The following LAGE3 variants were observed in gnomAD, a reference collection of about 807,000 sequenced individuals.
The protein encoded by LAGE3 is EKC/KEOPS complex subunit LAGE3.
In LAGE3, 2 loss-of-function variants were observed where a neutral mutation model predicts 4.4. That is an observed-to-expected ratio of 0.46 (90% confidence interval 0.19 to 1.44). The LOEUF (loss-of-function observed/expected upper bound fraction) is 1.44. LAGE3 is among the 40% of genes most tolerant of loss of function. The pLI is 0.26. For missense variants in LAGE3, 152 were observed against 138.1 expected (o/e 1.10, Z -0.51); for synonymous variants, 79 against 60.0 (o/e 1.32, Z -1.47).
Position 154,478,035 on chromosome X carries a change from C to T in LAGE3, c.341G>A (p.Arg114His). 8.3e-7 allele frequency: 1 copy of T among 1,210,791 alleles called. No homozygotes were observed. Among genetic ancestry groups the T allele is most frequent in the Non-Finnish European group, 1.1e-6 (1 of 894,469 alleles). ...LVVRWKAEDC[R>H]LLRISVINFL... ...GTTGATGACGGAAATTCGGAGCAGG[C>T]GACAGTCTTCAGCTTTCCAGCGGCT... The change falls in exon 3 of 3, where the codon CGC (arginine) becomes CAC (histidine). Residue 114 changes from arginine to histidine, a missense_variant. Coordinates refer to ENST00000357360, the MANE Select transcript of LAGE3 (RefSeq NM_006014.5).
rs781797904 is a variant in LAGE3 at position 154,479,165 on chromosome X, C to T, written c.-250G>A. The T allele has an allele frequency of 3.5e-6, 1 of 282,200 alleles. No homozygotes were observed. Among genetic ancestry groups the T allele is most frequent in the South Asian group, 2.2e-4 (1 of 4,541 alleles). The allele number at this position is 282,200 out of a possible 1,213,427, so 23.3% of individuals were successfully genotyped here. A position where few individuals can be genotyped will look rare whatever the true frequency, so the allele number is the denominator to read the frequency against. On this transcript the variant is annotated 5_prime_UTR_variant, in exon 1 of 3. Coordinates refer to ENST00000357360, the MANE Select transcript of LAGE3 (RefSeq NM_006014.5). ...AGAAACTCTGCCCTTTCGCGCGTAA[C>T]TCGATTCCAGAGCGCTGGTGCAAAC...
chrX:154,478,643 G>A (rs1281942709), intron 1 of LAGE3, 85 bp downstream of exon 1: 6 of 542,337 alleles, frequency 1.1e-5, no homozygotes, highest in Non-Finnish European at 1.4e-5. Flanking sequence ...TACCCTTTCC[G>A]TCGGCCCCCC....
At chrX:154,478,671 T>C (rs2069253618) in intron 1 of LAGE3, 57 bp downstream of exon 1, 1 of 790,058 alleles carries the variant, frequency 1.3e-6, no homozygotes, top group African/African-American at 2.4e-5. Flanking sequence ...CTCCTTTCCT[T>C]CTCCCCGAGT....
At chrX:154,478,116 C>T in intron 2 of LAGE3, 58 bp from the exon 3 acceptor site, 2 of 1,115,730 alleles carry the variant, frequency 1.8e-6, no homozygotes, top group Non-Finnish European at 2.5e-6. Context: ...GTCCCTCGCT[C>T]TGCCCCTCAG....
At position 154,479,254 on chromosome X, in the gene LAGE3, C is replaced by T. The variant is rs1476537727; in HGVS notation, c.-339G>A. The T allele has an allele frequency of 1.5e-5, 3 of 201,762 alleles. No individual in the cohort carries two copies. Among genetic ancestry groups the T allele is most frequent in the Non-Finnish European group, 2.7e-5 (3 of 109,451 alleles). The allele number at this position is 201,762 out of a possible 1,213,427, so 16.6% of individuals were successfully genotyped here. A position where few individuals can be genotyped will look rare whatever the true frequency, so the allele number is the denominator to read the frequency against. On this transcript the variant is annotated 5_prime_UTR_variant, in exon 1 of 3. Transcript: ENST00000357360. The stretch of plus-strand genomic sequence containing the variant: ...ACGGGGCTTTTGAAGACACCGTGGT[C>T]GCCTATCCCAGAGGCGCACCCCGCG...
chrX:154,477,984 A>G lies in LAGE3; in HGVS notation c.392T>C (p.Val131Ala), dbSNP rs1455348383. Residue 131 changes from valine (V) to alanine (A), a missense_variant, in exon 3 of 3, where the codon GTG becomes GCG. Val to Ala is a moderately conservative substitution (Grantham distance 64). Coordinates refer to ENST00000357360, the MANE Select transcript of LAGE3 (RefSeq NM_006014.5). Reference sequence around the variant, plus strand: ...GGGCCCAAAGCGCTGCATGGTCCGCACCACCAGGGAAAGCTGGTCAAGAAA... The same window carrying G: ...GGGCCCAAAGCGCTGCATGGTCCGCGCCACCAGGGAAAGCTGGTCAAGAAA... ...INFLDQLSLV[V>A]RTMQRFGPPV... 1 of 1,210,966 alleles carries G rather than the reference A, an allele frequency of 8.3e-7. No homozygotes were observed. The highest frequency in any genetic ancestry group is 1.1e-6 in the Non-Finnish European group (1 of 895,294).
Position 154,478,834 on chromosome X carries a change from C to CCA in LAGE3, c.80_81dup (p.Asp28TrpfsTer73), listed in dbSNP as rs2069255366. Reference sequence around the variant, plus strand: ...CCACCGGCCGGAGCTGCGGCTGTGTCCACGCCCCCGCGGCAGCTGTGGCCA... The same window carrying CCA: ...CCACCGGCCGGAGCTGCGGCTGTGTCCACACGCCCCCGCGGCAGCTGTGGCCA... On this transcript the variant is annotated frameshift_variant, in exon 1 of 3. Coordinates refer to ENST00000357360, the MANE Select transcript of LAGE3 (RefSeq NM_006014.5). LOFTEE classifies it high-confidence loss of function. 1 of 1,078,298 alleles carries CCA rather than the reference C, an allele frequency of 9.3e-7. No individual in the cohort carries two copies. Among genetic ancestry groups the CCA allele is most frequent in the South Asian group, 2.4e-5 (1 of 41,006 alleles). 88.9% of individuals were successfully genotyped at this position (1,078,298 alleles called of 1,213,427 possible).
chrX:154,478,650 C>CCCCG, intron 1 of LAGE3, 78 bp downstream of exon 1: 1 of 892,160 alleles, frequency 1.1e-6, no homozygotes, highest in Non-Finnish European at 1.4e-6. Context: ...TCCGTCGGCC[C>CCCCG]CCCGCCCGCC....
At position 154,479,005 on chromosome X, in the gene LAGE3, T is replaced by C; in HGVS notation, c.-90A>G. ...GGCTCCTTCCCGAAGCCCCGCCCCCTGCGCACGACTCCGCCCACACGCGCC... is the reference window on the plus strand; with the variant it reads ...GGCTCCTTCCCGAAGCCCCGCCCCCCGCGCACGACTCCGCCCACACGCGCC... On this transcript the variant is annotated 5_prime_UTR_variant, in exon 1 of 3. Coordinates refer to ENST00000357360, the MANE Select transcript of LAGE3 (RefSeq NM_006014.5). 1 of 438,114 alleles carries C rather than the reference T, an allele frequency of 2.3e-6. No homozygotes were observed. Among genetic ancestry groups the C allele is most frequent in the Non-Finnish European group, 3.4e-6 (1 of 291,748 alleles). The allele number at this position is 438,114 out of a possible 1,213,427, so 36.1% of individuals were successfully genotyped here.
chrX:154,478,643 GT>G, intron 1 of LAGE3, 84 bp downstream of exon 1: 1 of 543,508 alleles, frequency 1.8e-6, no homozygotes, highest in Non-Finnish European at 2.4e-6. Context: ...TACCCTTTCC[GT>G]CGGCCCCCCG....
chrX:154,479,087 T>C lies in LAGE3; in HGVS notation c.-172A>G, dbSNP rs1228346572. On this transcript the variant is annotated 5_prime_UTR_variant, in exon 1 of 3. Coordinates refer to ENST00000357360, the MANE Select transcript of LAGE3 (RefSeq NM_006014.5). ...GTGGTCAGTTCCCGCCAAGCGGCCC[T>C]GCCGGGGGCCTTCTGAGACCCGGTC... is the stretch of plus-strand genomic sequence containing the variant. 2 of 297,323 alleles carry C rather than the reference T, an allele frequency of 6.7e-6. No homozygotes were observed. Among genetic ancestry groups the C allele is most frequent in the Non-Finnish European group, 5.8e-6 (1 of 171,191 alleles). 24.5% of individuals were successfully genotyped at this position (297,323 alleles called of 1,213,427 possible). A position where few individuals can be genotyped will look rare whatever the true frequency, so the allele number is the denominator to read the frequency against.
At chrX:154,478,534 C>A in intron 1 of LAGE3, 123 bp from the exon 2 acceptor site, 1 of 990,820 alleles carries the variant, frequency 1.0e-6, no homozygotes, top group South Asian at 2.5e-5. Context: ...CTCCTTACCT[C>A]GCCCAGGCCA....
At position 154,478,350 on chromosome X, in the gene LAGE3, G is replaced by T. The variant is rs782164177; in HGVS notation, c.250C>A (p.Pro84Thr). The T allele has an allele frequency of 1.7e-6, 2 of 1,206,664 alleles. No homozygotes were observed. The highest frequency in any genetic ancestry group is 4.4e-5 in the Admixed American group (2 of 45,416). The change falls in exon 2 of 3, where the codon CCA becomes ACA. Residue 84 changes from proline to threonine, a missense_variant. By Grantham distance (38) the Pro-to-Thr change is conservative (BLOSUM62 -1). Transcript: ENST00000357360. ...ACCCTTTGGTGGGGCTCGGCATCTG[G>T]TGCCAGGGACCCATGGGCGATTTCC... is the stretch of plus-strand genomic sequence containing the variant. ...EAEIAHGSLA[P>T]DAEPHQRVVG...
chrX:154,478,884 C>T lies in LAGE3; in HGVS notation c.32G>A (p.Gly11Asp), dbSNP rs1025038377. ...ACCCCGGCCATCCCCGCCGTCAGCG[C>T]CTCCGCCTGCGTCTGCATCCGCGTC... The part of the protein sequence containing the change: MRDADADAGG[G>D]ADGGDGRGGH... The change falls in exon 1 of 3, where the codon GGC (glycine) becomes GAC (aspartate). Residue 11 changes from glycine to aspartate, a missense_variant. Coordinates refer to ENST00000357360, the MANE Select transcript of LAGE3 (RefSeq NM_006014.5). 3 of 1,006,252 alleles carry T rather than the reference C, an allele frequency of 3.0e-6. No homozygotes were observed. The highest frequency in any genetic ancestry group is 3.8e-6 in the Non-Finnish European group (3 of 797,404). The allele number at this position is 1,006,252 out of a possible 1,213,427, so 82.9% of individuals were successfully genotyped here. A position where few individuals can be genotyped will look rare whatever the true frequency, so the allele number is the denominator to read the frequency against.
At position 154,478,977 on chromosome X, in the gene LAGE3, T is replaced by A; in HGVS notation, c.-62A>T. 2 of 573,091 alleles carry A rather than the reference T, an allele frequency of 3.5e-6. No individual in the cohort carries two copies. The highest frequency in any genetic ancestry group is 4.8e-6 in the Non-Finnish European group (2 of 413,203). 47.2% of individuals were successfully genotyped at this position (573,091 alleles called of 1,213,427 possible). The stretch of plus-strand genomic sequence containing the variant: ...CGCAGGTCCTACGCCCCGCCCTCTC[T>A]GTGGCTCCTTCCCGAAGCCCCGCCC... On this transcript the variant is annotated 5_prime_UTR_variant, in exon 1 of 3. Coordinates refer to ENST00000357360, the MANE Select transcript of LAGE3 (RefSeq NM_006014.5).
chrX:154,478,936 G>A lies in LAGE3; in HGVS notation c.-21C>T, dbSNP rs1296878269. 13 of 842,582 alleles carry A rather than the reference G, an allele frequency of 1.5e-5. No homozygotes were observed. The highest frequency in any genetic ancestry group is 8.6e-5 in the African/African-American group (4 of 46,560). The allele number at this position is 842,582 out of a possible 1,213,427, so 69.4% of individuals were successfully genotyped here. A position where few individuals can be genotyped will look rare whatever the true frequency, so the allele number is the denominator to read the frequency against. ...CGCATGACCGCCGCCGCGCCGCTCC[G>A]ACTCCACCCCCGAAGCGCAGGTCCT... On this transcript the variant is annotated 5_prime_UTR_variant, in exon 1 of 3. Transcript: ENST00000357360.
Position 154,478,976 on chromosome X carries a change from C to T in LAGE3, c.-61G>A. ...GCGCAGGTCCTACGCCCCGCCCTCT[C>T]TGTGGCTCCTTCCCGAAGCCCCGCC... On this transcript the variant is annotated 5_prime_UTR_variant, in exon 1 of 3. Coordinates refer to ENST00000357360, the MANE Select transcript of LAGE3 (RefSeq NM_006014.5). 1 of 580,331 alleles carries T rather than the reference C, an allele frequency of 1.7e-6. No individual in the cohort carries two copies. Among genetic ancestry groups the T allele is most frequent in the Non-Finnish European group, 2.4e-6 (1 of 419,440 alleles). The allele number at this position is 580,331 out of a possible 1,213,427, so 47.8% of individuals were successfully genotyped here.
rs782019621 is a variant in LAGE3 at position 154,478,887 on chromosome X, C to T, written c.29G>A (p.Gly10Glu). MRDADADAG[G>E]GADGGDGRGG... ...CCGGCCATCCCCGCCGTCAGCGCCT[C>T]CGCCTGCGTCTGCATCCGCGTCCCG... Residue 10 changes from glycine (G) to glutamate (E), a missense_variant, in exon 1 of 3, where the codon GGA becomes GAA. By Grantham distance (98) the Gly-to-Glu change is moderately conservative. Coordinates refer to ENST00000357360, the MANE Select transcript of LAGE3 (RefSeq NM_006014.5). The T allele has an allele frequency of 1.2e-4, 123 of 1,002,724 alleles. No individual in the cohort carries two copies. In the South Asian group the frequency reaches 3.1e-3, roughly 26 times the overall value. The allele number at this position is 1,002,724 out of a possible 1,213,427, so 82.6% of individuals were successfully genotyped here.
intron 2 of LAGE3, 44 bp from the exon 3 acceptor site, chrX:154,478,102 C>T (rs781953369): frequency 1.2e-5 from 14 of 1,124,673 alleles, no homozygotes; most frequent in South Asian, 1.8e-5. Flanking sequence ...GGTGGCAACT[C>T]CTGGTCCCTC....
Sources: allele counts gnomAD v4.1 joint callset, GRCh38; gene constraint gnomAD v4.1.1; transcripts MANE v1.5; gene names NCBI Gene and HGNC (gene_info 2026-07-23, HGNC 2026-07-21).